The following UGGT1 variants were observed in gnomAD, a reference collection of about 807,000 sequenced individuals.
The protein encoded by UGGT1 is UDP-glucose:glycoprotein glucosyltransferase 1.
UGGT1 carries 107 observed loss-of-function variants against 203.9 expected under a neutral mutation model. The ratio of observed to expected loss-of-function variants is 0.52; its 90% confidence interval spans 0.45 to 0.62. The LOEUF (loss-of-function observed/expected upper bound fraction) is 0.62, where lower values mean the gene tolerates loss of function less well. UGGT1 is among the 20% of genes least tolerant of loss of function. The pLI, the probability that UGGT1 is intolerant of heterozygous loss-of-function variation, is 0.00. For missense variants in UGGT1, 1,673 were observed against 1,867.2 expected (o/e 0.90, Z 1.92); for synonymous variants, 628 against 653.5 (o/e 0.96, Z 0.59).
intron 25 of UGGT1, among the ~76,000 whole-genome samples, chr2:128,163,001 C>T (rs952690999): frequency 1.1e-4 from 16 of 152,220 alleles, no homozygotes; most frequent in African/African-American, 3.1e-4. Context: ...CCCCCTTCCC[C>T]GTGACAGCCA....
At chr2:128,097,591 T>C in intron 2 of UGGT1, 27 bp downstream of exon 2, 1 of 1,612,382 alleles carries the variant, frequency 6.2e-7, no homozygotes, top group African/African-American at 1.3e-5. Flanking sequence ...TTTCCCTTCG[T>C]GTATTTGAGT....
At chr2:128,124,006 C>G (rs1357981841) in intron 11 of UGGT1, among the ~76,000 whole-genome samples, 1 of 152,110 alleles carries the variant, frequency 6.6e-6, no homozygotes, top group Admixed American at 6.6e-5. Flanking sequence ...AGTGCAGTGG[C>G]GTGATCTCAG....
intron 18 of UGGT1, among the ~76,000 whole-genome samples, chr2:128,146,236 A>G (rs910512143): frequency 6.6e-6 from 1 of 152,086 alleles, no homozygotes; most frequent in African/African-American, 2.4e-5. Flanking sequence ...GCTTGAGCCC[A>G]GGAGTTTAAG....
chr2:128,098,485 T>G (rs1375868780), intron 2 of UGGT1, among the ~76,000 whole-genome samples: 2 of 152,152 alleles, frequency 1.3e-5, no homozygotes, highest in Non-Finnish European at 2.9e-5. Context: ...CTAGGTACGG[T>G]GGCTCATGCC....
chr2:128,182,315 A>G (rs1691733301), intron 37 of UGGT1, 25 bp downstream of exon 37: 5 of 1,593,552 alleles, frequency 3.1e-6, no homozygotes, highest in South Asian at 2.3e-5. Flanking sequence ...CACTCCTAAC[A>G]CTGTTACGGG....
At position 128,109,713 on chromosome 2, in the gene UGGT1, C is replaced by T; in HGVS notation, c.488C>T (p.Thr163Ile). ...VHGKKTCESD[T>I]LEALLLTASE... ...GGAAAGAAGACTTGTGAATCTGATA[C>T]CCTTGAGGCTCTTCTACTGACAGCC... is the stretch of plus-strand genomic sequence containing the variant. Residue 163 changes from threonine (T) to isoleucine (I), a missense_variant, in exon 5 of 41, where the codon ACC becomes ATC. By Grantham distance (89) the Thr-to-Ile change is moderately conservative. This residue lies in a region of UGGT1 where 1,073 missense variants were observed against 1,078.7 expected (regional missense o/e 0.99). Coordinates refer to ENST00000259253, the MANE Select transcript of UGGT1 (RefSeq NM_020120.4). 1 of 1,614,002 alleles carries T rather than the reference C, an allele frequency of 6.2e-7. No individual in the cohort carries two copies. The highest frequency in any genetic ancestry group is 8.5e-7 in the Non-Finnish European group (1 of 1,179,956).
At chr2:128,161,026 T>C in intron 24 of UGGT1, 112 bp from the exon 25 acceptor site, 1 of 1,276,636 alleles carries the variant, frequency 7.8e-7, no homozygotes, top group South Asian at 1.5e-5. Context: ...TCTCAGGTCT[T>C]TAAGATGTTC....
chr2:128,104,006 A>C lies in UGGT1; in HGVS notation c.269A>C (p.Asp90Ala). The change falls in exon 3 of 41, where the codon GAT becomes GCT. Residue 90 changes from aspartate to alanine, a missense_variant. Transcript: ENST00000259253. The part of the protein sequence containing the change: ...VEASQNIGSS[D>A]HDGTDYSYYH... ...GCCAGTCAAAATATTGGATCATCAG[A>C]TCATGACGGTAAAATTGAAGCAAAT... is the stretch of plus-strand genomic sequence containing the variant. 6.3e-7 allele frequency: 1 copy of C among 1,574,870 alleles called. No individual in the cohort carries two copies. Among genetic ancestry groups the C allele is most frequent in the Non-Finnish European group, 8.6e-7 (1 of 1,167,952 alleles).
intron 7 of UGGT1, among the ~76,000 whole-genome samples, 159 bp from the exon 8 acceptor site, chr2:128,116,106 C>G (rs966303252): frequency 6.6e-6 from 1 of 152,066 alleles, no homozygotes; most frequent in African/African-American, 2.4e-5. Context: ...GAACCATTGC[C>G]AAAGGGTAAT....
Position 128,179,044 on chromosome 2 carries a change from A to G in UGGT1, c.3815+475A>G, listed in dbSNP as rs1691549733. ...GGGACTTGTCTAAGGTCACACAGCT[A>G]CAGCCAGAAGAGGCCACGGGCTAGG... On this transcript the variant is annotated intron_variant, in intron 34 of 40. Coordinates refer to ENST00000259253, the MANE Select transcript of UGGT1 (RefSeq NM_020120.4). 4.6e-5 allele frequency among the ~76,000 whole-genome samples: 7 copies of G among 152,294 alleles called. No homozygotes were observed. In the South Asian group the frequency reaches 1.5e-3, roughly 32 times the overall value.
chr2:128,112,292 A>G (rs1237018892), intron 5 of UGGT1, among the ~76,000 whole-genome samples: 2 of 149,188 alleles, frequency 1.3e-5, no homozygotes, highest in African/African-American at 2.5e-5. Flanking sequence ...GTGGTGGTGG[A>G]TGCCTGTAAT....
chr2:128,117,839 G>T (rs376665446), intron 8 of UGGT1, among the ~76,000 whole-genome samples: 34 of 152,064 alleles, frequency 2.2e-4, no homozygotes, highest in African/African-American at 7.0e-4. Context: ...GTGAGCCACC[G>T]TGCCTGGCCT....
rs1165909097 is a variant in UGGT1, at chr2:128,164,781, A to T, written c.2877A>T (p.Lys959Asn). 6.2e-7 allele frequency: 1 copy of T among 1,611,858 alleles called. No individual in the cohort carries two copies. Among genetic ancestry groups the T allele is most frequent in the East Asian group, 2.2e-5 (1 of 44,796 alleles). ...ATGCTCTTCTGTCAGCGCAACCAAA[A>T]GGAGATCCAAGAATCGAGTACCAGT... ...KVDALLSAQP[K>N]GDPRIEYQFF... The change falls in exon 26 of 41, where the codon AAA becomes AAT. Residue 959 changes from lysine to asparagine, a missense_variant. By Grantham distance (94) the Lys-to-Asn change is moderately conservative. Coordinates refer to ENST00000259253, the MANE Select transcript of UGGT1 (RefSeq NM_020120.4).
Position 128,172,515 on chromosome 2 carries a change from G to T in UGGT1, c.3105-58G>T, listed in dbSNP as rs73955973. On this transcript the variant is annotated intron_variant, in intron 28 of 40. Coordinates refer to ENST00000259253, the MANE Select transcript of UGGT1 (RefSeq NM_020120.4). ...CAGTTGTTACCTGTGTAAGGGCTGT[G>T]CACTCAAGTCCTGTTGTCACATCGA... The T allele has an allele frequency of 9.3e-4, 1,455 of 1,557,196 alleles. 9 individuals carry two copies. In the African/African-American group the frequency reaches 0.015, roughly 16 times the overall value.
chr2:128,178,664 A>G, intron 34 of UGGT1, 95 bp downstream of exon 34: 3 of 1,062,382 alleles, frequency 2.8e-6, no homozygotes, highest in Non-Finnish European at 4.1e-6. Context: ...TGCTCATTAT[A>G]CTCCTGTGTC....
chr2:128,138,737 T>G lies in UGGT1; in HGVS notation c.1604T>G (p.Val535Gly). The change falls in exon 16 of 41, where the codon GTT becomes GGT. Residue 535 changes from valine to glycine, a missense_variant. Val to Gly is a moderately radical substitution (Grantham distance 109). Around this residue, in one of 4 missense-constraint regions of UGGT1, gnomAD observed 1,073 missense variants for 1,078.7 expected, o/e 0.99. Transcript: ENST00000259253. ...IPLRIGFIFV[V>G]NDSEDVDGMQ... Reference sequence around the variant, plus strand: ...TCCAGAATTGGTTTTATCTTTGTGGTTAATGACTCTGAAGATGTTGATGGG... The same window carrying G: ...TCCAGAATTGGTTTTATCTTTGTGGGTAATGACTCTGAAGATGTTGATGGG... 6.2e-7 allele frequency: 1 copy of G among 1,614,018 alleles called. No individual in the cohort carries two copies.
chr2:128,174,698 T>C (rs1253829395), intron 30 of UGGT1, 75 bp from the exon 31 acceptor site: 1 of 1,181,124 alleles, frequency 8.5e-7, no homozygotes, highest in East Asian at 2.3e-5. Context: ...ATTTCAGAAA[T>C]AGAAGTAACT....
chr2:128,102,692 A>AACTTCTGTAAACTTCTGTAAACT (rs1687434297), intron 2 of UGGT1, among the ~76,000 whole-genome samples: 1 of 152,078 alleles, frequency 6.6e-6, no homozygotes, highest in African/African-American at 2.4e-5. Context: ...TTTCCCTGTA[A>AACTTCTGTAAACTTCTGTAAACT]TTGTATGAAA....
chr2:128,157,267 G>A lies in UGGT1; in HGVS notation c.2276G>A (p.Arg759Lys). Reference sequence around the variant, plus strand: ...TTTTCTACAGATGATTCTTTTATTAGGCCAGTAACTTTTTGGATTGTTGGG... The same window carrying A: ...TTTTCTACAGATGATTCTTTTATTAAGCCAGTAACTTTTTGGATTGTTGGG... ...SKEIYDDSFI[R>K]PVTFWIVGDF... The change falls in exon 22 of 41, where the codon AGG (arginine) becomes AAG (lysine). Residue 759 changes from arginine to lysine, a missense_variant. By Grantham distance (26) the Arg-to-Lys change is conservative. Transcript: ENST00000259253. 1 of 1,613,898 alleles carries A rather than the reference G, an allele frequency of 6.2e-7. No homozygotes were observed. The highest frequency in any genetic ancestry group is 8.5e-7 in the Non-Finnish European group (1 of 1,179,872).
Sources: gnomAD v4.1 joint callset for allele counts (sites outside exome capture counted in the v4.1 genomes callset) on GRCh38, gnomAD v4.1.1 for gene constraint, gnomAD v4.1.1 regional missense constraint, MANE v1.5 for transcripts, NCBI Gene and HGNC (gene_info 2026-07-23, HGNC 2026-07-21) for gene names.